The following SHROOM4 variants were observed in gnomAD, a reference collection of about 807,000 sequenced individuals.
SHROOM4 encodes shroom family member 4.
Under a neutral mutation model 80.3 loss-of-function variants are expected in SHROOM4, and 17 were observed. The ratio of observed to expected loss-of-function variants is 0.21; its 90% CI spans 0.14 to 0.32. The LOEUF (loss-of-function observed/expected upper bound fraction) is 0.32, where lower values mean the gene tolerates loss of function less well. Among genes scored for constraint, SHROOM4 ranks in the 10% least tolerant of loss-of-function variants. The pLI, the probability that SHROOM4 is intolerant of heterozygous loss-of-function variation, is 1.00. For missense variants in SHROOM4, 993 were observed against 1,140.3 expected (o/e 0.87, Z 1.86); for synonymous variants, 400 against 437.5 (o/e 0.91, Z 1.07).
In SHROOM4 at chrX:50,591,519, C is replaced by T. The variant is rs1928875182; in HGVS notation, c.*5176G>A. The stretch of plus-strand genomic sequence containing the variant: ...CTTAACAATACTAAGTCTTCCAATC[C>T]ATGAACATGGAGTGTCTTTCCATTT... On this transcript the variant is annotated 3_prime_UTR_variant, in exon 9 of 9. Coordinates refer to ENST00000376020, the MANE Select transcript of SHROOM4 (RefSeq NM_020717.5). 1.4e-5 allele frequency: 3 copies of T among 217,943 alleles called. No individual in the cohort carries two copies. Among genetic ancestry groups the T allele is most frequent in the Non-Finnish European group, 2.5e-5 (3 of 119,694 alleles). The allele number at this position is 217,943 out of a possible 1,213,427, so 18.0% of individuals were successfully genotyped here. A position where few individuals can be genotyped will look rare whatever the true frequency, so the allele number is the denominator to read the frequency against.
At chrX:50,724,496 G>A (rs904847912) in intron 1 of SHROOM4, among the ~76,000 whole-genome samples, 17 of 112,050 alleles carry the variant, frequency 1.5e-4, no homozygotes, top group Non-Finnish European at 2.8e-4. Flanking sequence ...ACAGAGTTTC[G>A]CTCTTGTTGC....
At chrX:50,761,357 G>C (rs1397374748) in intron 1 of SHROOM4, among the ~76,000 whole-genome samples, 1 of 111,558 alleles carries the variant, frequency 9.0e-6, no homozygotes, top group Non-Finnish European at 1.9e-5. Context: ...TTCCTCAAAA[G>C]CTATGATACT....
chrX:50,600,641 A>G (rs1437765026), intron 7 of SHROOM4, among the ~76,000 whole-genome samples: 1 of 111,919 alleles, frequency 8.9e-6, no homozygotes, highest in African/African-American at 3.3e-5. Flanking sequence ...TCTGGAATGT[A>G]TTCCCCTCTA....
At chrX:50,793,802 A>G (rs1334177403) in intron 1 of SHROOM4, among the ~76,000 whole-genome samples, 1 of 110,362 alleles carries the variant, frequency 9.1e-6, no homozygotes, top group Non-Finnish European at 1.9e-5. Context: ...ATGAAATTAA[A>G]GCAGGGCTAC....
chrX:50,791,405 T>A (rs983538378), intron 1 of SHROOM4, among the ~76,000 whole-genome samples: 1 of 108,551 alleles, frequency 9.2e-6, no homozygotes, highest in East Asian at 2.9e-4. Flanking sequence ...GTAATCCCTA[T>A]CAAAATCTTA....
Position 50,607,856 on chromosome X carries a change from T to C in SHROOM4, c.3286A>G (p.Lys1096Glu), listed in dbSNP as rs1929756737. 8.3e-7 allele frequency: 1 copy of C among 1,207,374 alleles called. No individual in the cohort carries two copies. Among genetic ancestry groups the C allele is most frequent in the Non-Finnish European group, 1.1e-6 (1 of 893,780 alleles). Residue 1096 changes from lysine to glutamate, a missense_variant, in exon 6 of 9, where the codon AAG (lysine) becomes GAG (glutamate). Coordinates refer to ENST00000376020, the MANE Select transcript of SHROOM4 (RefSeq NM_020717.5). ...ETQSDLLGAR[K>E]KAFPPPRPPP... Reference sequence around the variant, plus strand: ...GGGCGAGGAGGAGGAAAGGCCTTCTTCCTGGCTCCGAGAAGATCCGACTGG... The same window carrying C: ...GGGCGAGGAGGAGGAAAGGCCTTCTCCCTGGCTCCGAGAAGATCCGACTGG...
Position 50,587,647 on chromosome X carries a change from T to A in SHROOM4, c.*9048A>T, listed in dbSNP as rs190055943. ...GTAATTGTATATTTATACTTATCTATCTCTTTCATTAGGATAAAAGCCCCA... is the reference window on the plus strand; with the variant it reads ...GTAATTGTATATTTATACTTATCTAACTCTTTCATTAGGATAAAAGCCCCA... On this transcript the variant is annotated 3_prime_UTR_variant, in exon 9 of 9. Transcript: ENST00000376020. Among the ~76,000 whole-genome samples, 1 of 112,210 alleles carries A rather than the reference T, an allele frequency of 8.9e-6. No homozygotes were observed. The highest frequency in any genetic ancestry group is 1.9e-5 in the Non-Finnish European group (1 of 53,215).
At chrX:50,712,694 C>G (rs1487743344) in intron 1 of SHROOM4, among the ~76,000 whole-genome samples, 1 of 111,999 alleles carries the variant, frequency 8.9e-6, no homozygotes, top group Non-Finnish European at 1.9e-5. Context: ...GGTGAAAACA[C>G]TTGACTCACT....
chrX:50,706,310 T>C (rs1455953616), intron 1 of SHROOM4, among the ~76,000 whole-genome samples: 2 of 111,969 alleles, frequency 1.8e-5, no homozygotes, highest in African/African-American at 6.5e-5. Flanking sequence ...CCATCTTACA[T>C]GATCTCACTT....
At chrX:50,694,930 G>A (rs188970450) in intron 2 of SHROOM4, among the ~76,000 whole-genome samples, 51 of 106,045 alleles carry the variant, frequency 4.8e-4, no homozygotes, top group Admixed American at 2.0e-4. Context: ...GTGTATATAC[G>A]ATAAAGAAAA....
chrX:50,650,754 A>G (rs888354397), intron 2 of SHROOM4, among the ~76,000 whole-genome samples: 1 of 112,489 alleles, frequency 8.9e-6, no homozygotes, highest in East Asian at 2.8e-4. Flanking sequence ...ATATTCTTAA[A>G]TTAGGAATCT....
At chrX:50,705,391 G>C (rs1387676826) in intron 1 of SHROOM4, among the ~76,000 whole-genome samples, 6 of 111,625 alleles carry the variant, frequency 5.4e-5, no homozygotes, top group African/African-American at 2.0e-4. Context: ...GGAAGTGATA[G>C]GCATTTGAGT....
At chrX:50,671,186 G>A (rs1397141027) in intron 2 of SHROOM4, among the ~76,000 whole-genome samples, 1 of 111,749 alleles carries the variant, frequency 8.9e-6, no homozygotes, top group Non-Finnish European at 1.9e-5. Flanking sequence ...CTGTCATCCA[G>A]GTTTGGTTCC....
At chrX:50,668,669 T>TAAA (rs1932758009) in intron 2 of SHROOM4, among the ~76,000 whole-genome samples, 1 of 112,024 alleles carries the variant, frequency 8.9e-6, no homozygotes, top group African/African-American at 3.3e-5. Context: ...AATGATATGA[T>TAAA]AAAGCACCCA....
At chrX:50,793,253 A>G (rs545514053) in intron 1 of SHROOM4, among the ~76,000 whole-genome samples, 1 of 110,335 alleles carries the variant, frequency 9.1e-6, no homozygotes, top group African/African-American at 3.3e-5. Context: ...AGAAGCAGAG[A>G]GTAGAATGTT....
At chrX:50,597,935 C>A (rs1172547929) in intron 8 of SHROOM4, among the ~76,000 whole-genome samples, 2 of 111,258 alleles carry the variant, frequency 1.8e-5, no homozygotes, top group African/African-American at 6.6e-5. Context: ...GCCTCCCAAG[C>A]TCAAGCAAAC....
the SHROOM4 span, among the ~76,000 whole-genome samples, chrX:50,576,541 A>C: frequency 1.8e-5 from 2 of 111,811 alleles, no homozygotes; most frequent in South Asian, 7.6e-4. Context: ...TCTGGATCAA[A>C]GTCCCTAGAC....
Position 50,598,521 on chromosome X carries a change from T to G in SHROOM4, c.3957A>C (p.Glu1319Asp). Residue 1319 changes from glutamate (E) to aspartate (D), a missense_variant, in exon 8 of 9, where the codon GAA (glutamate) becomes GAC (aspartate). Glu to Asp is a conservative substitution (Grantham distance 45). Transcript: ENST00000376020. ...AGACAGAAAGTTTTCTGCTGATGCT[T>G]TCGATAAGCTGTATCTAGGGGAATT... ...ELAQKKIQLI[E>D]SISRKLSVLR... is the part of the protein sequence containing the mutation. 3 of 1,205,016 alleles carry G rather than the reference T, an allele frequency of 2.5e-6. No individual in the cohort carries two copies. Among genetic ancestry groups the G allele is most frequent in the Non-Finnish European group, 3.4e-6 (3 of 891,917 alleles).
chrX:50,798,092 CAGAG>C (rs1466992236), intron 1 of SHROOM4, among the ~76,000 whole-genome samples: 3 of 110,677 alleles, frequency 2.7e-5, no homozygotes, highest in Admixed American at 9.7e-5. Flanking sequence ...AATTTATTGA[CAGAG>C]AGGGCAGTAA....
Sources: gnomAD v4.1 joint callset for allele counts (sites outside exome capture counted in the v4.1 genomes callset) on GRCh38, gnomAD v4.1.1 for gene constraint, MANE v1.5 for transcripts, NCBI Gene and HGNC (gene_info 2026-07-23, HGNC 2026-07-21) for gene names.